The following SIK2 variants were observed in gnomAD, a reference collection of about 807,000 sequenced individuals.
The protein encoded by SIK2 is salt inducible kinase 2.
SIK2 carries 29 observed loss-of-function variants against 103.2 expected under a neutral mutation model. That is an observed-to-expected ratio of 0.28 (90% CI 0.21 to 0.38). The LOEUF (loss-of-function observed/expected upper bound fraction) is 0.38, where lower values mean the gene tolerates loss of function less well. SIK2 is among the 10% of genes least tolerant of loss of function. SIK2 has a pLI of 1.00. For synonymous variants in SIK2, 412 were observed against 446.1 expected, an observed-to-expected ratio of 0.92 and a Z score of 0.96; for missense variants, 879 against 1,171.0, an observed-to-expected ratio of 0.75 and a Z score of 3.64.
chr11:111,631,530 G>A (rs1942037082), intron 3 of SIK2, among the ~76,000 whole-genome samples: 1 of 152,152 alleles, frequency 6.6e-6, no homozygotes, highest in South Asian at 2.1e-4. Context: ...CTGATTGTGA[G>A]ATCCAAGTTC....
At chr11:111,606,000 T>C (rs940309101) in intron 1 of SIK2, among the ~76,000 whole-genome samples, 3 of 152,202 alleles carry the variant, frequency 2.0e-5, no homozygotes, top group Non-Finnish European at 4.4e-5. Context: ...GAGATGCTAA[T>C]TTTATAAAAT....
chr11:111,620,083 T>A (rs1941862961), intron 2 of SIK2, among the ~76,000 whole-genome samples: 1 of 152,240 alleles, frequency 6.6e-6, no homozygotes, highest in South Asian at 2.1e-4. Context: ...GGGCCTGGAA[T>A]TCTGCATTTC....
At chr11:111,667,617 A>G (rs1942564446) in intron 3 of SIK2, among the ~76,000 whole-genome samples, 1 of 148,798 alleles carries the variant, frequency 6.7e-6, no homozygotes, top group African/African-American at 2.5e-5. Context: ...TCACCCTCCC[A>G]TGTAGTTGGG....
Position 111,727,109 on chromosome 11 carries a change from C to G in SIK2, c.*2980C>G. On this transcript the variant is annotated 3_prime_UTR_variant, in exon 15 of 15. Coordinates refer to ENST00000304987, the MANE Select transcript of SIK2 (RefSeq NM_015191.3). ...GACAGGAAGAGGGGGCCCACTTTCA[C>G]ATTCCCGGTGACACTGACCGTCCCC... The G allele has an allele frequency of 6.6e-7, 1 of 1,519,040 alleles. No individual in the cohort carries two copies. Among genetic ancestry groups the G allele is most frequent in the Non-Finnish European group, 9.1e-7 (1 of 1,095,914 alleles). The allele number at this position is 1,519,040 out of a possible 1,614,324, so 94.1% of individuals were successfully genotyped here. A position where few individuals can be genotyped will look rare whatever the true frequency, so the allele number is the denominator to read the frequency against.
At chr11:111,621,182 T>C (rs1941880331) in intron 3 of SIK2, among the ~76,000 whole-genome samples, 1 of 152,224 alleles carries the variant, frequency 6.6e-6, no homozygotes, top group African/African-American at 2.4e-5. Flanking sequence ...AGTCAAAATA[T>C]CCATCACTTC....
chr11:111,666,278 TC>T (rs1169474395), intron 3 of SIK2, among the ~76,000 whole-genome samples: 1 of 152,196 alleles, frequency 6.6e-6, no homozygotes, highest in African/African-American at 2.4e-5. Context: ...TTCTGTGCTT[TC>T]TCCTGAGGTC....
intron 1 of SIK2, among the ~76,000 whole-genome samples, chr11:111,609,007 C>A: frequency 6.9e-6 from 1 of 145,614 alleles, no homozygotes; most frequent in East Asian, 2.1e-4. Context: ...AAATTTTTTT[C>A]TATTTTTATT....
At chr11:111,650,529 A>C (rs1164311736) in intron 3 of SIK2, among the ~76,000 whole-genome samples, 1 of 152,134 alleles carries the variant, frequency 6.6e-6, no homozygotes, top group South Asian at 2.1e-4. Flanking sequence ...AGAGTTATAA[A>C]ATCTTTGACG....
At chr11:111,678,732 G>A (rs375729729) in intron 3 of SIK2, among the ~76,000 whole-genome samples, 17 of 152,100 alleles carry the variant, frequency 1.1e-4, no homozygotes, top group African/African-American at 3.6e-4. Flanking sequence ...TAAGTACTAG[G>A]CTCTTATTTG....
At chr11:111,611,085 A>AGTGTGT (rs1565305622) in intron 1 of SIK2, among the ~76,000 whole-genome samples, 1 of 134,732 alleles carries the variant, frequency 7.4e-6, no homozygotes, top group South Asian at 2.2e-4. Context: ...CTCTCGACCA[A>AGTGTGT]ATGTGTGTGT....
chr11:111,620,711 G>T (rs1042040138), intron 3 of SIK2, among the ~76,000 whole-genome samples: 2 of 151,946 alleles, frequency 1.3e-5, no homozygotes, highest in Admixed American at 6.6e-5. Flanking sequence ...TCTTTTCTAT[G>T]GAAAGATTAG....
rs1445725353 is a variant in SIK2 at position 111,720,525 on chromosome 11, T to G, written c.1543T>G (p.Ser515Ala). Residue 515 changes from serine (S) to alanine (A), a missense_variant, in exon 11 of 15, where the codon TCT becomes GCT. By Grantham distance (99) the Ser-to-Ala change is moderately conservative. This residue lies in a region of SIK2 where 222 missense variants were observed against 258.0 expected (regional missense o/e 0.86). Coordinates refer to ENST00000304987, the MANE Select transcript of SIK2 (RefSeq NM_015191.3). Reference protein sequence around the residue: ...NDSPSLDSVDSEYDMGSVQRD... With the variant: ...NDSPSLDSVDAEYDMGSVQRD... ...CAGCCCCTCCCTTGACAGTGTGGAC[T>G]CTGAGTATGATATGGGGTCTGTTCA... The G allele has an allele frequency of 3.1e-6, 5 of 1,613,350 alleles. No individual in the cohort carries two copies. Among genetic ancestry groups the G allele is most frequent in the Non-Finnish European group, 4.2e-6 (5 of 1,179,836 alleles).
chr11:111,695,828 C>T (rs1190148426), intron 4 of SIK2, among the ~76,000 whole-genome samples: 1 of 152,200 alleles, frequency 6.6e-6, no homozygotes, highest in African/African-American at 2.4e-5. Context: ...AGCTTATTTA[C>T]TCTATGCAAG....
In SIK2 at chr11:111,722,766, G is replaced by C. The variant is rs537022066; in HGVS notation, c.2147+10G>C. 2 of 1,611,614 alleles carry C rather than the reference G, an allele frequency of 1.2e-6. No homozygotes were observed. The highest frequency in any genetic ancestry group is 1.3e-5 in the African/African-American group (1 of 74,902). On this transcript the variant is annotated intron_variant, in intron 14 of 14. Transcript: ENST00000304987. This position sits in a 1 kb window ranked among gnomAD's most constrained non-coding sequence, Gnocchi z 4.4. The stretch of plus-strand genomic sequence containing the variant: ...AGCTGCAGGAACATAGGTGAGAAGG[G>C]GACTTTGGCCAAAGAAGTTGCTTCC...
intron 8 of SIK2, among the ~76,000 whole-genome samples, chr11:111,710,805 C>G (rs1943473717): frequency 6.6e-6 from 1 of 152,242 alleles, no homozygotes. Context: ...AGCCAGGAAT[C>G]AAACTCAGGT....
intron 3 of SIK2, among the ~76,000 whole-genome samples, chr11:111,686,624 A>G (rs1266190244): frequency 2.0e-5 from 3 of 152,274 alleles, no homozygotes; most frequent in African/African-American, 7.2e-5. Flanking sequence ...GTCTTTCAAG[A>G]TTTGTGTTGA....
chr11:111,642,526 C>T (rs1942196397), intron 3 of SIK2, among the ~76,000 whole-genome samples: 1 of 152,174 alleles, frequency 6.6e-6, no homozygotes, highest in Non-Finnish European at 1.5e-5. Context: ...TTCCATGCCT[C>T]TGGGATGCCA....
At chr11:111,615,286 AT>A (rs1203254697) in intron 1 of SIK2, among the ~76,000 whole-genome samples, 1 of 103,958 alleles carries the variant, frequency 9.6e-6, no homozygotes, top group African/African-American at 5.1e-5. Context: ...CCCCATCTGC[AT>A]TAAAAAAAAA....
At chr11:111,634,083 A>G (rs1291773149) in intron 3 of SIK2, among the ~76,000 whole-genome samples, 1 of 152,196 alleles carries the variant, frequency 6.6e-6, no homozygotes, top group Non-Finnish European at 1.5e-5. Flanking sequence ...GGCAGTTAGC[A>G]GATTCTGGCC....
Sources: gnomAD v4.1 joint callset for allele counts (sites outside exome capture counted in the v4.1 genomes callset) on GRCh38, gnomAD v4.1.1 for gene constraint, gnomAD v4.1.1 regional missense constraint, Gnocchi (gnomAD v3.1) non-coding constraint, MANE v1.5 for transcripts, NCBI Gene and HGNC (gene_info 2026-07-23, HGNC 2026-07-21) for gene names.